SFI1: variants seen among roughly 807,000 people sequenced by gnomAD.
The protein encoded by SFI1 is SFI1 centrin binding protein, also known as protein SFI1 homolog.
In SFI1, 195 loss-of-function variants were observed where a neutral mutation model predicts 207.5. The observed-to-expected ratio is 0.94, with a 90% CI of 0.84 to 1.06. The LOEUF is 1.06. Ranked by LOEUF, SFI1 falls within the 50% of genes least tolerant of loss-of-function variation. The pLI is 0.00. For synonymous variants in SFI1, 630 were observed against 598.9 expected (o/e 1.05, Z -0.76); for missense variants, 1,634 against 1,588.0 (o/e 1.03, Z -0.49).
chr22:31,579,234 C>G (rs2063824983), intron 11 of SFI1, among the ~76,000 whole-genome samples: 1 of 152,042 alleles, frequency 6.6e-6, no homozygotes, highest in Admixed American at 6.6e-5. Flanking sequence ...GCCTTGAACT[C>G]CTGGACTCAA....
intron 7 of SFI1, chr22:31,559,688 AT>A: frequency 1.3e-6 from 1 of 794,812 alleles, no homozygotes. Flanking sequence ...TGTGATGACC[AT>A]TATGCAGAAT....
At chr22:31,545,523 A>G (rs2059982777) in intron 4 of SFI1, among the ~76,000 whole-genome samples, 1 of 151,398 alleles carries the variant, frequency 6.6e-6, no homozygotes, top group African/African-American at 2.4e-5. Context: ...TTTTTTTCTT[A>G]TTTTTTGGGT....
rs181762047 is a variant in SFI1, at chr22:31,556,825, G to A, written c.545-117G>A. 1,196 of 603,400 alleles carry A rather than the reference G, an allele frequency of 2.0e-3. 10 individuals carry two copies. In the Middle Eastern group the frequency reaches 0.022, roughly 11 times the overall value. 37.4% of individuals were successfully genotyped at this position (603,400 alleles called of 1,614,324 possible). ...GTGCTTCACAACTTTTCCAGCAGGG[G>A]TCACTTGTAGGCTGGAGGGATTTAG... On this transcript the variant is annotated intron_variant, in intron 6 of 32. Transcript: ENST00000400288.
intron 2 of SFI1, among the ~76,000 whole-genome samples, chr22:31,509,818 A>G (rs995665202): frequency 6.6e-6 from 1 of 151,900 alleles, no homozygotes. Context: ...CTTTTTGGTA[A>G]TATCTTTGTC....
rs752700012 is a variant in SFI1, at chr22:31,611,197, A to T, written c.2309A>T (p.Gln770Leu). The change falls in exon 23 of 33, where the codon CAG (glutamine) becomes CTG (leucine). Residue 770 changes from glutamine (Q) to leucine (L), a missense_variant. Coordinates refer to ENST00000400288, the MANE Select transcript of SFI1 (RefSeq NM_001007467.3). Reference protein sequence around the residue: ...RWWDCSRRSAQQRLQLERAVQ... With the variant: ...RWWDCSRRSALQRLQLERAVQ... ...TGGGACTGCAGCCGGAGGTCAGCCC[A>T]GCAGAGACTGCAGCTGGAGAGGGCA... 6.2e-6 allele frequency: 10 copies of T among 1,614,004 alleles called. No individual in the cohort carries two copies. The South Asian group carries it at 1.1e-4, about 18-fold the overall frequency.
At chr22:31,535,185 CT>C (rs36035505) in intron 4 of SFI1, among the ~76,000 whole-genome samples, 66,303 of 111,684 alleles carry the variant, frequency 0.59, 18,768 homozygotes, top group Non-Finnish European at 0.68. Flanking sequence ...TTTTTTATTG[CT>C]TTTTTTTTTT....
intron 4 of SFI1, among the ~76,000 whole-genome samples, chr22:31,543,665 C>T (rs1033547431): frequency 2.0e-5 from 3 of 151,862 alleles, no homozygotes; most frequent in Non-Finnish European, 2.9e-5. Context: ...CAAAAATTAG[C>T]TGGGCATGGT....
chr22:31,509,679 C>T (rs1419129611), intron 2 of SFI1, among the ~76,000 whole-genome samples: 1 of 152,210 alleles, frequency 6.6e-6, no homozygotes, highest in Non-Finnish European at 1.5e-5. Context: ...TTGCGTCCTT[C>T]AATTCAATCA....
In SFI1 at chr22:31,603,757, G is replaced by T; in HGVS notation, c.1819G>T (p.Val607Leu). The change falls in exon 18 of 33, where the codon GTG becomes TTG. Residue 607 changes from valine to leucine, a missense_variant. Transcript: ENST00000400288. ...QGLRTERTGR[V>L]RAAEFHMAQL... is the part of the protein sequence containing the mutation. ...ATCTCCCCACAGGAGGACGGGCAGG[G>T]TGCGGGCAGCAGAATTCCACATGGC... 2 of 1,543,912 alleles carry T rather than the reference G, an allele frequency of 1.3e-6. No homozygotes were observed. The highest frequency in any genetic ancestry group is 1.7e-6 in the Non-Finnish European group (2 of 1,158,352).
At chr22:31,583,644 T>G (rs2064636993) in intron 12 of SFI1, among the ~76,000 whole-genome samples, 1 of 152,232 alleles carries the variant, frequency 6.6e-6, no homozygotes, top group African/African-American at 2.4e-5. Context: ...GGATTAGGAA[T>G]AGCTTCTTCA....
chr22:31,568,206 GTGTGTATATATATATA>G (rs2062564951), intron 8 of SFI1, among the ~76,000 whole-genome samples: 4 of 136,730 alleles, frequency 2.9e-5, no homozygotes, highest in African/African-American at 1.1e-4. Context: ...GTGTGTGTGT[GTGTGTATATATATATA>G]TATATTTTTT....
At chr22:31,592,752 C>T (rs1264781299) in intron 15 of SFI1, among the ~76,000 whole-genome samples, 9 of 112,250 alleles carry the variant, frequency 8.0e-5, no homozygotes, top group African/African-American at 1.2e-4. Flanking sequence ...CCAGTAGGGG[C>T]GGCCGGGCAG....
chr22:31,500,183 C>T (rs377432101), intron 1 of SFI1, among the ~76,000 whole-genome samples: 9 of 142,324 alleles, frequency 6.3e-5, no homozygotes, highest in African/African-American at 1.8e-4. Flanking sequence ...GTTGTGGTGG[C>T]GGGCACCTGT....
At chr22:31,501,875 C>T (rs920290714) in intron 1 of SFI1, among the ~76,000 whole-genome samples, 1 of 152,036 alleles carries the variant, frequency 6.6e-6, no homozygotes. Context: ...GGGTTTTTGC[C>T]GGATGCTCTG....
Position 31,613,809 on chromosome 22 carries a change from G to C in SFI1, c.2950G>C (p.Gly984Arg). The change falls in exon 27 of 33, where the codon GGA becomes CGA. Residue 984 changes from glycine (G) to arginine (R), a missense_variant. Gly to Arg is a moderately radical substitution (Grantham distance 125, BLOSUM62 -2). Coordinates refer to ENST00000400288, the MANE Select transcript of SFI1 (RefSeq NM_001007467.3). ...GAGGCCACAGGCTTCTCGGCCTCTG[G>C]GAGCTCTGGGCCGCCTGGCTGCTGA... Reference protein sequence around the residue: ...TKRPQASRPLGALGRLAAEEP... With the variant: ...TKRPQASRPLRALGRLAAEEP... 6.2e-7 allele frequency: 1 copy of C among 1,611,070 alleles called. No individual in the cohort carries two copies. The highest frequency in any genetic ancestry group is 8.5e-7 in the Non-Finnish European group (1 of 1,179,196).
intron 14 of SFI1, chr22:31,587,814 A>C (rs1454751697): frequency 6.6e-6 from 1 of 152,236 alleles, no homozygotes; most frequent in East Asian, 1.9e-4. Flanking sequence ...CCCATAATAA[A>C]AAATAGAAAA....
At chr22:31,557,799 C>CTCTTAACTGG (rs2148186432) in intron 7 of SFI1, among the ~76,000 whole-genome samples, 1 of 152,276 alleles carries the variant, frequency 6.6e-6, no homozygotes, top group East Asian at 1.9e-4. Context: ...CCCACCCATG[C>CTCTTAACTGG]TCTTAACTGG....
chr22:31,573,342 A>G, intron 9 of SFI1, 128 bp downstream of exon 9: 1 of 861,280 alleles, frequency 1.2e-6, no homozygotes, highest in Non-Finnish European at 1.7e-6. Flanking sequence ...AAAGGAGATT[A>G]AGGAGGAAAA....
chr22:31,614,574 GAC>G (rs2071024643), intron 27 of SFI1: 2 of 700,758 alleles, frequency 2.9e-6, no homozygotes, highest in Non-Finnish European at 5.2e-6. Flanking sequence ...GGTCAAAAGA[GAC>G]AATGTGGGTG....
Sources: allele counts gnomAD v4.1 joint callset (sites outside exome capture counted in the v4.1 genomes callset), GRCh38; gene constraint gnomAD v4.1.1; transcripts MANE v1.5; gene names NCBI Gene and HGNC (gene_info 2026-07-23, HGNC 2026-07-21).